The following MAGI2 variants were observed in gnomAD, a reference collection of about 807,000 sequenced individuals.
The protein encoded by MAGI2 is membrane associated guanylate kinase, WW and PDZ domain containing 2.
In MAGI2, 35 loss-of-function variants were observed where a neutral mutation model predicts 133.3. The observed-to-expected ratio is 0.26, with a 90% CI of 0.20 to 0.35. MAGI2 has a LOEUF of 0.35. MAGI2 is among the 10% of genes least tolerant of loss of function. The probability of loss-of-function intolerance (pLI) is 1.00; values close to 1 mark genes in which losing one functional copy is unlikely to be tolerated. For missense variants in MAGI2, 1,636 were observed against 1,863.4 expected (o/e 0.88, Z 2.25); for synonymous variants, 729 against 710.6 (o/e 1.03, Z -0.41).
chr7:79,252,065 G>A (rs1391273481), intron 1 of MAGI2, among the ~76,000 whole-genome samples: 1 of 150,328 alleles, frequency 6.7e-6, no homozygotes, highest in African/African-American at 2.5e-5. Context: ...GCTGAGATGG[G>A]AGGATTGCTT....
chr7:78,145,594 C>T (rs1191096234), intron 16 of MAGI2, among the ~76,000 whole-genome samples: 2 of 152,110 alleles, frequency 1.3e-5, no homozygotes, highest in Non-Finnish European at 2.9e-5. Flanking sequence ...AAATTTGGCC[C>T]CCTGTTGTTC....
intron 10 of MAGI2, among the ~76,000 whole-genome samples, chr7:78,243,042 A>T (rs1791324560): frequency 6.6e-6 from 1 of 152,164 alleles, no homozygotes; most frequent in African/African-American, 2.4e-5. Context: ...ACTGCATTCC[A>T]GCCTGGGTGA....
intron 2 of MAGI2, among the ~76,000 whole-genome samples, chr7:78,841,164 G>C (rs527274977): frequency 6.6e-6 from 1 of 152,100 alleles, no homozygotes; most frequent in East Asian, 1.9e-4. Context: ...ACTGTCTCTA[G>C]TTCCACATTG....
intron 6 of MAGI2, among the ~76,000 whole-genome samples, chr7:78,417,296 C>G (rs1325264472): frequency 8.9e-6 from 1 of 112,650 alleles, no homozygotes; most frequent in African/African-American, 3.7e-5. Context: ...TAAAATAAAA[C>G]CATTTTCTAA....
chr7:78,589,326 A>C (rs767338043), intron 3 of MAGI2, among the ~76,000 whole-genome samples: 2 of 152,194 alleles, frequency 1.3e-5, no homozygotes, highest in Non-Finnish European at 2.9e-5. Context: ...ACCATTCTCA[A>C]TATCTTGCAG....
chr7:78,304,879 G>A (rs1034809731), intron 9 of MAGI2, among the ~76,000 whole-genome samples: 1 of 152,148 alleles, frequency 6.6e-6, no homozygotes, highest in African/African-American at 2.4e-5. Context: ...GGGAACAAGT[G>A]CAAAGGCCTG....
intron 1 of MAGI2, among the ~76,000 whole-genome samples, chr7:79,045,845 C>G (rs1812127963): frequency 1.3e-5 from 2 of 152,046 alleles, no homozygotes; most frequent in Non-Finnish European, 2.9e-5. Context: ...GAAAGGGTAG[C>G]ACAAGGGGGA....
intron 21 of MAGI2, among the ~76,000 whole-genome samples, chr7:78,043,446 A>G (rs11760413): frequency 0.067 from 10,152 of 152,244 alleles, 344 homozygotes; most frequent in South Asian, 0.078. Flanking sequence ...TGTTGGGAAC[A>G]TAGTTTTAGA....
At chr7:78,078,744 C>G (rs1815628265) in intron 21 of MAGI2, 1 of 623,536 alleles carries the variant, frequency 1.6e-6, no homozygotes, top group Non-Finnish European at 2.7e-6. Flanking sequence ...AGAAAGAGTT[C>G]ACACACATTT....
At chr7:78,201,256 A>G in intron 10 of MAGI2, 63 bp from the exon 11 acceptor site, 1 of 766,970 alleles carries the variant, frequency 1.3e-6, no homozygotes, top group Non-Finnish European at 2.1e-6. Flanking sequence ...TATGGGTGGC[A>G]CGATATTAAG....
intron 3 of MAGI2, among the ~76,000 whole-genome samples, chr7:78,567,580 T>C (rs1439166536): frequency 1.3e-5 from 2 of 152,178 alleles, no homozygotes; most frequent in Admixed American, 6.5e-5. Flanking sequence ...TGCACCTATA[T>C]GTACAAGAAT....
intron 1 of MAGI2, among the ~76,000 whole-genome samples, chr7:79,126,688 T>G (rs764290060): frequency 6.6e-6 from 1 of 152,032 alleles, no homozygotes; most frequent in Non-Finnish European, 1.5e-5. Flanking sequence ...ACTTCTTTTT[T>G]GAAAAAATGT....
intron 2 of MAGI2, among the ~76,000 whole-genome samples, chr7:78,993,552 C>G (rs530017205): frequency 1.6e-4 from 24 of 152,108 alleles, no homozygotes; most frequent in African/African-American, 5.5e-4. Context: ...ATTCCAGCCA[C>G]AGTAGCAGTT....
intron 2 of MAGI2, among the ~76,000 whole-genome samples, chr7:78,855,181 T>C (rs1262077489): frequency 6.6e-6 from 1 of 152,172 alleles, no homozygotes; most frequent in African/African-American, 2.4e-5. Flanking sequence ...TGCGGCCTCC[T>C]GGGCTCAAGC....
intron 2 of MAGI2, among the ~76,000 whole-genome samples, chr7:78,937,388 CAG>C (rs1420163740): frequency 6.6e-6 from 1 of 151,884 alleles, no homozygotes; most frequent in Non-Finnish European, 1.5e-5. Flanking sequence ...ATGATAGAAA[CAG>C]AAAATCACCA....
At chr7:78,375,316 G>T (rs1213120707) in intron 6 of MAGI2, among the ~76,000 whole-genome samples, 1 of 152,162 alleles carries the variant, frequency 6.6e-6, no homozygotes, top group Non-Finnish European at 1.5e-5. Flanking sequence ...TTCAGTAACA[G>T]GAGTGTTAAA....
At chr7:78,566,066 T>C (rs1172319942) in intron 3 of MAGI2, among the ~76,000 whole-genome samples, 1 of 152,150 alleles carries the variant, frequency 6.6e-6, no homozygotes, top group African/African-American at 2.4e-5. Flanking sequence ...ACATTTGGGT[T>C]GGTGCTTTCA....
intron 9 of MAGI2, among the ~76,000 whole-genome samples, chr7:78,291,517 G>T (rs921320296): frequency 1.3e-5 from 2 of 152,130 alleles, no homozygotes; most frequent in Admixed American, 6.6e-5. Flanking sequence ...GGAGGAGCTG[G>T]TACCATTCCT....
At chr7:78,988,476 G>A (rs1805467743) in intron 2 of MAGI2, among the ~76,000 whole-genome samples, 2 of 151,974 alleles carry the variant, frequency 1.3e-5, no homozygotes, top group African/African-American at 2.4e-5. Flanking sequence ...TTTCAACATG[G>A]AAGGTTCATT....
Sources: allele counts gnomAD v4.1 joint callset (sites outside exome capture counted in the v4.1 genomes callset), GRCh38; gene constraint gnomAD v4.1.1; transcripts MANE v1.5; gene names NCBI Gene and HGNC (gene_info 2026-07-23, HGNC 2026-07-21).